BRINP1: variants seen among roughly 807,000 people sequenced by gnomAD.
BRINP1 encodes BMP/retinoic acid inducible neural specific 1.
In BRINP1, 17 loss-of-function variants were observed where a neutral mutation model predicts 72.9. The observed-to-expected ratio is 0.23, with a 90% CI of 0.16 to 0.35. The LOEUF (loss-of-function observed/expected upper bound fraction) is 0.35, where lower values mean the gene tolerates loss of function less well. BRINP1 is among the 10% of genes least tolerant of loss of function. BRINP1 has a pLI of 1.00. For synonymous variants in BRINP1, 418 were observed against 378.5 expected (o/e 1.10, Z -1.21); for missense variants, 850 against 1,001.6 (o/e 0.85, Z 2.04).
chr9:119,273,459 A>G (rs1348443452), intron 2 of BRINP1, among the ~76,000 whole-genome samples: 4 of 152,120 alleles, frequency 2.6e-5, no homozygotes, highest in African/African-American at 9.7e-5. Context: ...AGTAAAGAAA[A>G]AGGATTAAAA....
At chr9:119,293,661 T>C (rs1588194438) in intron 2 of BRINP1, among the ~76,000 whole-genome samples, 1 of 152,166 alleles carries the variant, frequency 6.6e-6, no homozygotes, top group East Asian at 1.9e-4. Flanking sequence ...AATGAGATAT[T>C]ATTACTACCT....
chr9:119,219,640 G>A (rs552593723), intron 5 of BRINP1, among the ~76,000 whole-genome samples: 2 of 139,524 alleles, frequency 1.4e-5, no homozygotes, highest in Admixed American at 7.5e-5. Flanking sequence ...AGGTCTTACT[G>A]TTTACTGAGA....
At chr9:119,237,787 G>A (rs1422094648) in intron 5 of BRINP1, among the ~76,000 whole-genome samples, 1 of 151,800 alleles carries the variant, frequency 6.6e-6, no homozygotes, top group Non-Finnish European at 1.5e-5. Flanking sequence ...TCATCCTTCT[G>A]AATAGCTCGG....
chr9:119,313,092 AG>A (rs1831085653), intron 2 of BRINP1, 45 bp downstream of exon 2: 1 of 1,585,068 alleles, frequency 6.3e-7, no homozygotes, highest in African/African-American at 1.3e-5. Flanking sequence ...GACTCCACAA[AG>A]CATAATATGA....
chr9:119,190,713 T>C (rs1476661493), intron 7 of BRINP1, among the ~76,000 whole-genome samples: 1 of 152,008 alleles, frequency 6.6e-6, no homozygotes, highest in African/African-American at 2.4e-5. Flanking sequence ...GGCTCAATTC[T>C]ACCAAATATT....
In BRINP1 at chr9:119,189,100, A is replaced by G. The variant is rs150265379; in HGVS notation, c.1145+19619T>C. ...TATATGCAACCAAATTTAAGTTATCAGCTTAAAATGGTCTATTATAACTAC... is the reference window on the plus strand; with the variant it reads ...TATATGCAACCAAATTTAAGTTATCGGCTTAAAATGGTCTATTATAACTAC... On this transcript the variant is annotated intron_variant, in intron 7 of 7. Coordinates refer to ENST00000265922, the MANE Select transcript of BRINP1 (RefSeq NM_014618.3). Among the ~76,000 whole-genome samples, 678 of 152,294 alleles carry G rather than the reference A, an allele frequency of 4.5e-3. 6 individuals carry two copies. Among genetic ancestry groups the G allele is most frequent in the African/African-American group, 0.015 (644 of 41,562 alleles).
At chr9:119,303,267 C>A (rs1360021520) in intron 2 of BRINP1, among the ~76,000 whole-genome samples, 1 of 146,564 alleles carries the variant, frequency 6.8e-6, no homozygotes, top group African/African-American at 2.6e-5. Context: ...TACCTACACC[C>A]CCCACCCCCA....
At chr9:119,212,408 G>C (rs1829938110) in intron 6 of BRINP1, among the ~76,000 whole-genome samples, 2 of 152,154 alleles carry the variant, frequency 1.3e-5, no homozygotes, top group Non-Finnish European at 2.9e-5. Context: ...ACACAAACAT[G>C]TCTTCTCATT....
chr9:119,222,188 G>T (rs1031893211), intron 5 of BRINP1, among the ~76,000 whole-genome samples: 1 of 152,120 alleles, frequency 6.6e-6, no homozygotes, highest in Non-Finnish European at 1.5e-5. Context: ...CAGAATCACA[G>T]TAGTACTGTG....
intron 2 of BRINP1, among the ~76,000 whole-genome samples, chr9:119,289,042 C>T (rs1299238131): frequency 2.0e-5 from 3 of 152,154 alleles, no homozygotes; most frequent in Non-Finnish European, 4.4e-5. Flanking sequence ...TCAAGTGATC[C>T]ACCCGCCTCG....
chr9:119,259,099 C>T (rs1830473595), intron 2 of BRINP1, among the ~76,000 whole-genome samples: 1 of 152,188 alleles, frequency 6.6e-6, no homozygotes, highest in Non-Finnish European at 1.5e-5. Context: ...AGCAAATGCT[C>T]ATTCCATTGA....
In BRINP1 at chr9:119,333,010, A is replaced by T. The variant is rs142743705; in HGVS notation, c.-50-19605T>A. On this transcript the variant is annotated intron_variant, in intron 1 of 7. Coordinates refer to ENST00000265922, the MANE Select transcript of BRINP1 (RefSeq NM_014618.3). ...ACTTGTTCAAAGTCACACTATTAAT[A>T]GTAAGAGCCAAAGTTGGGATTTGAT... is the stretch of plus-strand genomic sequence containing the variant. 4.1e-4 allele frequency among the ~76,000 whole-genome samples: 62 copies of T among 152,304 alleles called. 1 individual carries two copies. In the East Asian group the frequency reaches 8.7e-3, roughly 21 times the overall value.
chr9:119,204,564 T>C (rs1829833555), intron 7 of BRINP1, among the ~76,000 whole-genome samples: 1 of 152,180 alleles, frequency 6.6e-6, no homozygotes, highest in African/African-American at 2.4e-5. Context: ...AAGACTGTAG[T>C]GAGGAAGAAA....
intron 1 of BRINP1, among the ~76,000 whole-genome samples, chr9:119,352,046 C>T (rs1007877392): frequency 3.9e-4 from 60 of 152,068 alleles, no homozygotes; most frequent in African/African-American, 1.4e-3. Context: ...GATCCTTCTG[C>T]CTCAGCCTCC....
At chr9:119,299,196 C>T (rs1830913534) in intron 2 of BRINP1, among the ~76,000 whole-genome samples, 2 of 152,150 alleles carry the variant, frequency 1.3e-5, no homozygotes, top group African/African-American at 4.8e-5. Flanking sequence ...TCCTATCTAA[C>T]TGAAATTTTG....
intron 2 of BRINP1, among the ~76,000 whole-genome samples, chr9:119,263,751 G>A (rs1231519309): frequency 1.3e-5 from 2 of 151,748 alleles, no homozygotes; most frequent in Non-Finnish European, 2.9e-5. Flanking sequence ...GGGACTACAG[G>A]TGCCCACTAC....
At chr9:119,222,241 A>T (rs1830047815) in intron 5 of BRINP1, among the ~76,000 whole-genome samples, 1 of 152,136 alleles carries the variant, frequency 6.6e-6, no homozygotes, top group Non-Finnish European at 1.5e-5. Flanking sequence ...TCACTTTGGC[A>T]AATCACTGAG....
At chr9:119,219,170 G>A (rs890464139) in intron 5 of BRINP1, among the ~76,000 whole-genome samples, 6 of 152,092 alleles carry the variant, frequency 3.9e-5, no homozygotes, top group Admixed American at 2.6e-4. Flanking sequence ...CACCCAGTCT[G>A]TGAAATTTTG....
chr9:119,310,851 A>G (rs981213945), intron 2 of BRINP1, among the ~76,000 whole-genome samples: 5 of 152,200 alleles, frequency 3.3e-5, no homozygotes, highest in African/African-American at 4.8e-5. Flanking sequence ...GCATACAGGA[A>G]GGAAAAAGTA....
Sources: gnomAD v4.1 joint callset for allele counts (sites outside exome capture counted in the v4.1 genomes callset) on GRCh38, gnomAD v4.1.1 for gene constraint, MANE v1.5 for transcripts, NCBI Gene and HGNC (gene_info 2026-07-23, HGNC 2026-07-21) for gene names.